AP2B1: variants seen among roughly 807,000 people sequenced by gnomAD.
The protein encoded by AP2B1 is adaptor related protein complex 2 subunit beta 1.
In AP2B1, 23 loss-of-function variants were observed where a neutral mutation model predicts 102.0. The observed-to-expected ratio is 0.23, with a 90% confidence interval of 0.16 to 0.32. The LOEUF (loss-of-function observed/expected upper bound fraction) is 0.32. AP2B1 is among the 10% of genes least tolerant of loss of function. AP2B1 has a pLI of 1.00. For synonymous variants in AP2B1, 381 were observed against 421.2 expected, an observed-to-expected ratio of 0.90 and a Z score of 1.17; for missense variants, 541 against 1,157.4, an observed-to-expected ratio of 0.47 and a Z score of 7.73.
chr17:35,612,880 G>GCACA (rs55739970), intron 5 of AP2B1, among the ~76,000 whole-genome samples: 75 of 143,968 alleles, frequency 5.2e-4, no homozygotes, highest in South Asian at 2.0e-3. Context: ...GTGTATGTGC[G>GCACA]CACACACACA....
At chr17:35,693,767 G>A (rs927497969) in intron 18 of AP2B1, among the ~76,000 whole-genome samples, 1 of 150,836 alleles carries the variant, frequency 6.6e-6, no homozygotes, top group Non-Finnish European at 1.5e-5. Context: ...AGAACTTCTC[G>A]ATTCCATAGC....
chr17:35,702,425 T>C (rs967269396), intron 18 of AP2B1, among the ~76,000 whole-genome samples: 1 of 152,140 alleles, frequency 6.6e-6, no homozygotes, highest in Non-Finnish European at 1.5e-5. Flanking sequence ...GTGTACCTGC[T>C]ATGTGCAAGG....
chr17:35,627,286 A>T (rs1598092949), intron 7 of AP2B1, 99 bp from the exon 8 acceptor site: 17 of 313,332 alleles, frequency 5.4e-5, no homozygotes, highest in East Asian at 8.1e-5. Flanking sequence ...GTGGAGCGAG[A>T]GGAGAGCAGA....
chr17:35,646,694 T>G (rs1353786741), intron 12 of AP2B1, among the ~76,000 whole-genome samples: 3 of 151,736 alleles, frequency 2.0e-5, no homozygotes, highest in Non-Finnish European at 4.4e-5. Context: ...GTTCAAGTGA[T>G]TCTCCCTCCT....
chr17:35,612,062 CTCTT>C (rs1361199257), intron 5 of AP2B1, among the ~76,000 whole-genome samples: 1 of 152,144 alleles, frequency 6.6e-6, no homozygotes, highest in Non-Finnish European at 1.5e-5. Flanking sequence ...ATTTTGTTGT[CTCTT>C]TATTTATAGA....
chr17:35,650,254 C>G (rs776472858), intron 12 of AP2B1, among the ~76,000 whole-genome samples: 8 of 151,732 alleles, frequency 5.3e-5, no homozygotes, highest in Non-Finnish European at 8.8e-5. Context: ...CTGGCTGGCC[C>G]TGATGATTTT....
At position 35,626,803 on chromosome 17, in the gene AP2B1, A is replaced by G; in HGVS notation, c.899A>G (p.Tyr300Cys). ...TLLSGEPEVQ[Y>C]VALRNINLIV... The stretch of plus-strand genomic sequence containing the variant: ...CTGTCTGGGGAGCCAGAAGTGCAGT[A>G]TGTCGCCCTGAGGAACATCAACTTA... Residue 300 changes from tyrosine to cysteine, a missense_variant, in exon 7 of 22, where the codon TAT becomes TGT. Physicochemically the swap from Tyr to Cys is radical, Grantham distance 194 (BLOSUM62 -2). This residue lies in a region of AP2B1 where 134 missense variants were observed against 250.2 expected (regional missense o/e 0.54). Transcript: ENST00000610402. 2 of 1,614,056 alleles carry G rather than the reference A, an allele frequency of 1.2e-6. No homozygotes were observed. Among genetic ancestry groups the G allele is most frequent in the South Asian group, 2.2e-5 (2 of 91,076 alleles).
At chr17:35,710,159 A>G in intron 19 of AP2B1, 75 bp from the exon 20 acceptor site, 1 of 1,062,760 alleles carries the variant, frequency 9.4e-7, no homozygotes, top group Non-Finnish European at 1.5e-6. Context: ...CAAAGGAAAA[A>G]TGATGCAAGG....
At chr17:35,598,067 A>G (rs2073352331) in intron 2 of AP2B1, among the ~76,000 whole-genome samples, 163 bp from the exon 3 acceptor site, 1 of 152,192 alleles carries the variant, frequency 6.6e-6, no homozygotes, top group African/African-American at 2.4e-5. Context: ...CTTGTCAGTG[A>G]GTCAGGTAAT....
chr17:35,643,143 G>A (rs1396808409), intron 12 of AP2B1, among the ~76,000 whole-genome samples: 2 of 150,298 alleles, frequency 1.3e-5, no homozygotes, highest in African/African-American at 4.9e-5. Flanking sequence ...ATTGTCTTGG[G>A]CCACACATAA....
At chr17:35,589,528 G>A (rs2073015437) in intron 1 of AP2B1, among the ~76,000 whole-genome samples, 1 of 152,220 alleles carries the variant, frequency 6.6e-6, no homozygotes, top group South Asian at 2.1e-4. Context: ...AGATATAGGA[G>A]AGGAGGGACT....
At chr17:35,701,543 C>CT (rs1226699933) in intron 18 of AP2B1, among the ~76,000 whole-genome samples, 1 of 152,190 alleles carries the variant, frequency 6.6e-6, no homozygotes. Context: ...TGTGTCCATT[C>CT]TTTCCTCTTC....
intron 2 of AP2B1, chr17:35,597,228 A>T: frequency 2.5e-6 from 1 of 396,654 alleles, no homozygotes; most frequent in South Asian, 2.8e-5. Flanking sequence ...GCAGTATGGT[A>T]GATGAGCTGG....
At chr17:35,700,482 T>C (rs1347518206) in intron 18 of AP2B1, among the ~76,000 whole-genome samples, 2 of 151,960 alleles carry the variant, frequency 1.3e-5, no homozygotes, top group Admixed American at 1.3e-4. Flanking sequence ...AGGTCACAAG[T>C]GACGTTATGG....
At chr17:35,696,421 T>TC (rs2076143140) in intron 18 of AP2B1, among the ~76,000 whole-genome samples, 1 of 150,890 alleles carries the variant, frequency 6.6e-6, no homozygotes, top group Non-Finnish European at 1.5e-5. Context: ...TTCTTTTTTT[T>TC]TTTTTTTTTT....
chr17:35,608,792 G>A lies in AP2B1; in HGVS notation c.525+405G>A, dbSNP rs978568389. 5.3e-5 allele frequency among the ~76,000 whole-genome samples: 8 copies of A among 152,154 alleles called. No homozygotes were observed. In the East Asian group the frequency reaches 1.3e-3, roughly 26 times the overall value. Reference sequence around the variant, plus strand: ...ATCTTTATTACCTAATTATTATCATGCATTTCTCTATAGGGGAATTTCTAG... The same window carrying A: ...ATCTTTATTACCTAATTATTATCATACATTTCTCTATAGGGGAATTTCTAG... On this transcript the variant is annotated intron_variant, in intron 5 of 21. Coordinates refer to ENST00000610402, the MANE Select transcript of AP2B1 (RefSeq NM_001030006.2).
intron 12 of AP2B1, among the ~76,000 whole-genome samples, chr17:35,643,880 G>A (rs2074853178): frequency 1.3e-5 from 2 of 152,144 alleles, no homozygotes. Context: ...ATTTTTCTGT[G>A]TATCAGTGTA....
At chr17:35,645,915 G>A (rs2074920469) in intron 12 of AP2B1, among the ~76,000 whole-genome samples, 1 of 152,118 alleles carries the variant, frequency 6.6e-6, no homozygotes, top group South Asian at 2.1e-4. Context: ...GTGATACATG[G>A]AATAGAAGTC....
At position 35,674,164 on chromosome 17, in the gene AP2B1, AC is replaced by A; in HGVS notation, c.2179-11del. 6.2e-7 allele frequency: 1 copy of A among 1,613,602 alleles called. No homozygotes were observed. ...CTTGTCTGATTCTATTGAGCTTTATACTGTGTTTCAGGTCTGGCTACCTGCA... is the reference window on the plus strand; with the variant it reads ...CTTGTCTGATTCTATTGAGCTTTATATGTGTTTCAGGTCTGGCTACCTGCA... On this transcript the variant is annotated splice_polypyrimidine_tract_variant and intron_variant, in intron 16 of 21. Coordinates refer to ENST00000610402, the MANE Select transcript of AP2B1 (RefSeq NM_001030006.2).
Sources: gnomAD v4.1 joint callset for allele counts (sites outside exome capture counted in the v4.1 genomes callset) on GRCh38, gnomAD v4.1.1 for gene constraint, gnomAD v4.1.1 regional missense constraint, MANE v1.5 for transcripts, NCBI Gene and HGNC (gene_info 2026-07-23, HGNC 2026-07-21) for gene names.